The following MYO9A variants were observed in gnomAD, a reference collection of about 807,000 sequenced individuals.
MYO9A encodes the protein myosin IXA.
MYO9A carries 103 observed loss-of-function variants against 293.3 expected under a neutral mutation model. That is an observed-to-expected ratio of 0.35 (90% confidence interval 0.30 to 0.41). The LOEUF is 0.41. MYO9A is among the 10% of genes least tolerant of loss of function. The pLI, the probability that MYO9A is intolerant of heterozygous loss-of-function variation, is 1.00. For missense variants in MYO9A, 2,685 were observed against 3,033.0 expected, an observed-to-expected ratio of 0.89 and a Z score of 2.69; for synonymous variants, 1,001 against 1,035.7, an observed-to-expected ratio of 0.97 and a Z score of 0.64.
intron 8 of MYO9A, among the ~76,000 whole-genome samples, chr15:72,007,544 GA>G (rs1170035120): frequency 2.0e-5 from 3 of 152,116 alleles, no homozygotes; most frequent in Non-Finnish European, 4.4e-5. Flanking sequence ...GTCCAGTGTG[GA>G]AATATTCATC....
chr15:72,031,637 G>A (rs1399956689), intron 3 of MYO9A, among the ~76,000 whole-genome samples: 3 of 152,088 alleles, frequency 2.0e-5, no homozygotes, highest in African/African-American at 4.8e-5. Context: ...ACAGATAAGG[G>A]TGGTGGTAGG....
At chr15:71,962,830 GCTGA>G (rs2075778303) in intron 13 of MYO9A, among the ~76,000 whole-genome samples, 1 of 152,112 alleles carries the variant, frequency 6.6e-6, no homozygotes, top group South Asian at 2.1e-4. Flanking sequence ...TCTTTTCAAT[GCTGA>G]CTGTCAAGTG....
At chr15:72,002,844 T>C (rs1008686127) in intron 8 of MYO9A, among the ~76,000 whole-genome samples, 8 of 152,206 alleles carry the variant, frequency 5.3e-5, no homozygotes, top group Non-Finnish European at 1.0e-4. Context: ...GTTGATTATA[T>C]TGTTTTCTAT....
chr15:72,011,170 C>A (rs2077162002), intron 6 of MYO9A, among the ~76,000 whole-genome samples: 1 of 151,752 alleles, frequency 6.6e-6, no homozygotes, highest in Admixed American at 6.6e-5. Flanking sequence ...CCTACCATGA[C>A]CGGTTAGTTT....
At chr15:72,111,586 T>G (rs1002254948) in intron 1 of MYO9A, among the ~76,000 whole-genome samples, 1 of 151,338 alleles carries the variant, frequency 6.6e-6, no homozygotes, top group African/African-American at 2.4e-5. Flanking sequence ...GTGCTTTACA[T>G]AAAAATTTTT....
Position 71,824,311 on chromosome 15 carries a change from T to G in MYO9A, c.*2269A>C, listed in dbSNP as rs1011880033. ...CTTTAAAGTGACCTACATCAGTCGTTTTTTAACTGCCAAAAAACTTATTTT... is the reference window on the plus strand; with the variant it reads ...CTTTAAAGTGACCTACATCAGTCGTGTTTTAACTGCCAAAAAACTTATTTT... On this transcript the variant is annotated 3_prime_UTR_variant, in exon 42 of 42. Coordinates refer to ENST00000356056, the MANE Select transcript of MYO9A (RefSeq NM_006901.4). 6.6e-6 allele frequency: 1 copy of G among 152,210 alleles called. No individual in the cohort carries two copies. Among genetic ancestry groups the G allele is most frequent in the Non-Finnish European group, 1.5e-5 (1 of 68,042 alleles). The allele number at this position is 152,210 out of a possible 1,614,324, so 9.4% of individuals were successfully genotyped here. A position where few individuals can be genotyped will look rare whatever the true frequency, so the allele number is the denominator to read the frequency against.
At chr15:72,095,855 G>C (rs538945081) in intron 1 of MYO9A, among the ~76,000 whole-genome samples, 1 of 150,626 alleles carries the variant, frequency 6.6e-6, no homozygotes, top group South Asian at 2.1e-4. Context: ...TGAGGCAAGC[G>C]GATCATCTGA....
chr15:71,905,147 G>A (rs2057593183), intron 19 of MYO9A, 141 bp from the exon 20 acceptor site: 2 of 541,994 alleles, frequency 3.7e-6, no homozygotes, highest in African/African-American at 3.8e-5. Flanking sequence ...AGCACATTGT[G>A]TATATTCTCA....
intron 1 of MYO9A, among the ~76,000 whole-genome samples, chr15:72,079,232 G>A (rs908192710): frequency 2.0e-5 from 3 of 151,852 alleles, no homozygotes; most frequent in African/African-American, 4.8e-5. Flanking sequence ...GGTGATATCC[G>A]GAAACTCCGT....
At chr15:72,102,789 G>A (rs1458527503) in intron 1 of MYO9A, among the ~76,000 whole-genome samples, 3 of 151,756 alleles carry the variant, frequency 2.0e-5, no homozygotes, top group Non-Finnish European at 4.4e-5. Flanking sequence ...ACAAGACAAA[G>A]ATGGCCCTAT....
chr15:72,015,420 T>G (rs1026193780), intron 6 of MYO9A, among the ~76,000 whole-genome samples: 1 of 152,190 alleles, frequency 6.6e-6, no homozygotes, highest in African/African-American at 2.4e-5. Flanking sequence ...GTCTACCTCA[T>G]AGGAAACGAG....
intron 4 of MYO9A, among the ~76,000 whole-genome samples, chr15:72,022,465 G>A (rs1363433474): frequency 6.6e-6 from 1 of 151,536 alleles, no homozygotes; most frequent in African/African-American, 2.4e-5. Flanking sequence ...AGGTTGCAGT[G>A]AGCCGAGATC....
intron 25 of MYO9A, among the ~76,000 whole-genome samples, chr15:71,896,591 C>A (rs1258235091): frequency 6.6e-6 from 1 of 151,926 alleles, no homozygotes. Flanking sequence ...ACCAGCCTGA[C>A]AAATATGGTG....
intron 12 of MYO9A, among the ~76,000 whole-genome samples, chr15:71,976,780 T>C (rs1231275373): frequency 1.3e-5 from 2 of 152,354 alleles, no homozygotes; most frequent in East Asian, 3.9e-4. Context: ...TTTAGATTAA[T>C]GGAAGTTGAC....
At chr15:72,031,307 G>A (rs552050481) in intron 3 of MYO9A, among the ~76,000 whole-genome samples, 1 of 152,194 alleles carries the variant, frequency 6.6e-6, no homozygotes, top group East Asian at 1.9e-4. Context: ...CCAACACAGT[G>A]AAACAGCATC....
rs116733098 is a variant in MYO9A at position 71,976,255 on chromosome 15, T to G, written c.1844+1916A>C. On this transcript the variant is annotated intron_variant, in intron 12 of 41. Transcript: ENST00000356056. ...ATTTGGTCACAGAAGTCTTCTGTGTTGATTACTGTGGTGTTAGAGTAAAGG... is the reference window on the plus strand; with the variant it reads ...ATTTGGTCACAGAAGTCTTCTGTGTGGATTACTGTGGTGTTAGAGTAAAGG... 2.6e-3 allele frequency among the ~76,000 whole-genome samples: 401 copies of G among 152,316 alleles called. 1 individual carries two copies. Among genetic ancestry groups the G allele is most frequent in the African/African-American group, 9.0e-3 (374 of 41,564 alleles).
At chr15:71,909,907 G>C (rs2057780834) in intron 19 of MYO9A, among the ~76,000 whole-genome samples, 1 of 151,938 alleles carries the variant, frequency 6.6e-6, no homozygotes, top group Non-Finnish European at 1.5e-5. Context: ...GCTGAGGAGG[G>C]AGGATAGCTT....
intron 1 of MYO9A, among the ~76,000 whole-genome samples, chr15:72,059,299 T>C (rs898562720): frequency 6.6e-6 from 1 of 152,202 alleles, no homozygotes; most frequent in East Asian, 1.9e-4. Flanking sequence ...TGTTAAGCTA[T>C]CTGAAAAATA....
At chr15:71,849,221 G>A (rs752813536) in intron 38 of MYO9A, among the ~76,000 whole-genome samples, 4 of 152,076 alleles carry the variant, frequency 2.6e-5, no homozygotes, top group East Asian at 1.9e-4. Context: ...AGGCCGAGGC[G>A]GGTGGATCAC....
Sources: gnomAD v4.1 joint callset for allele counts (sites outside exome capture counted in the v4.1 genomes callset) on GRCh38, gnomAD v4.1.1 for gene constraint, MANE v1.5 for transcripts, NCBI Gene and HGNC (gene_info 2026-07-23, HGNC 2026-07-21) for gene names.